Variants in STAB2 observed in about 807,000 individuals in gnomAD.
STAB2 encodes the protein stabilin-2.
STAB2 carries 288 observed loss-of-function variants against 338.1 expected under a neutral mutation model. The observed-to-expected ratio is 0.85, with a 90% CI of 0.77 to 0.94. The LOEUF is 0.94. Ranked by LOEUF, STAB2 falls within the 40% of genes least tolerant of loss-of-function variation. The pLI, the probability that STAB2 is intolerant of heterozygous loss-of-function variation, is 0.00. For synonymous variants in STAB2, 1,202 were observed against 1,193.3 expected (o/e 1.01, Z -0.15); for missense variants, 3,141 against 3,210.1 (o/e 0.98, Z 0.52).
chr12:103,609,610 A>G (rs980200063), intron 3 of STAB2, among the ~76,000 whole-genome samples: 12 of 152,080 alleles, frequency 7.9e-5, no homozygotes, highest in Non-Finnish European at 1.3e-4. Flanking sequence ...GGTTTTCTAG[A>G]TATACAATCA....
Position 103,673,913 on chromosome 12 carries a change from T to C in STAB2, c.2378T>C (p.Leu793Pro). The change falls in exon 23 of 69, where the codon CTG becomes CCG. Residue 793 changes from leucine to proline, a missense_variant. Coordinates refer to ENST00000388887, the MANE Select transcript of STAB2 (RefSeq NM_017564.10). ...CCTCCTCCTCCTCTTTCAGAATGCC[T>C]GTGCGTTCACGGAACATGCAATAAC... is the stretch of plus-strand genomic sequence containing the variant. ...KYGPRCNKKCLCVHGTCNNRI... is the reference protein window; with the variant it reads ...KYGPRCNKKCPCVHGTCNNRI... The C allele has an allele frequency of 3.1e-6, 5 of 1,611,350 alleles. No homozygotes were observed. The highest frequency in any genetic ancestry group is 4.2e-6 in the Non-Finnish European group (5 of 1,177,864).
chr12:103,589,977 G>C (rs1956771142), intron 1 of STAB2, among the ~76,000 whole-genome samples: 1 of 152,204 alleles, frequency 6.6e-6, no homozygotes, highest in Non-Finnish European at 1.5e-5. Flanking sequence ...GCAAGATATA[G>C]AGTTTGACTC....
In STAB2 at chr12:103,645,124, G is replaced by A. The variant is rs2138710276; in HGVS notation, c.1041-3566G>A. 2.0e-5 allele frequency among the ~76,000 whole-genome samples: 3 copies of A among 152,320 alleles called. 1 individual carries two copies. In the South Asian group the frequency reaches 6.2e-4, roughly 32 times the overall value. On this transcript the variant is annotated intron_variant, in intron 9 of 68. Transcript: ENST00000388887. ...AACTAAATCTCAACCAGCATTAAGT[G>A]TAATTAATTTTAACCCATAACTGTA...
At position 103,733,135 on chromosome 12, in the gene STAB2, G is replaced by A. The variant is rs375348716; in HGVS notation, c.5413G>A (p.Asp1805Asn). The A allele has an allele frequency of 5.6e-6, 9 of 1,613,948 alleles. No homozygotes were observed. In the African/African-American group the frequency reaches 6.7e-5, roughly 12 times the overall value. Residue 1805 changes from aspartate (D) to asparagine (N), a missense_variant, in exon 51 of 69, where the codon GAC becomes AAC. Physicochemically the swap from Asp to Asn is conservative, Grantham distance 23. Coordinates refer to ENST00000388887, the MANE Select transcript of STAB2 (RefSeq NM_017564.10). ...CTTCCTGTTCAACCAAGACAACAAG[G>A]ACAAGCTGAAGGAGTATTTGAAGTT... ...QDFLFNQDNK[D>N]KLKEYLKFHV...
At chr12:103,675,881 T>C (rs1469696351) in intron 23 of STAB2, 47 bp from the exon 24 acceptor site, 1 of 1,495,474 alleles carries the variant, frequency 6.7e-7, no homozygotes, top group African/African-American at 1.4e-5. Flanking sequence ...CTCTTCTGGG[T>C]CGTTGGTGCT....
At chr12:103,730,306 A>T (rs967116972) in intron 49 of STAB2, 50 bp downstream of exon 49, 3 of 1,584,562 alleles carry the variant, frequency 1.9e-6, no homozygotes, top group Non-Finnish European at 2.6e-6. Context: ...TCAATACATT[A>T]TCATCTCTAT....
At chr12:103,712,237 C>A in intron 40 of STAB2, 130 bp from the exon 41 acceptor site, 2 of 761,098 alleles carry the variant, frequency 2.6e-6, no homozygotes, top group South Asian at 1.5e-5. Flanking sequence ...TTCTCCCAAG[C>A]CTTAGGCAGG....
At chr12:103,620,577 C>T in intron 4 of STAB2, 24 bp downstream of exon 4, 1 of 1,548,058 alleles carries the variant, frequency 6.5e-7, no homozygotes, top group Non-Finnish European at 8.7e-7. Context: ...TGTGTTCTTC[C>T]TTTCCTGGTT....
At chr12:103,720,559 T>G (rs1485647611) in intron 44 of STAB2, among the ~76,000 whole-genome samples, 1 of 152,222 alleles carries the variant, frequency 6.6e-6, no homozygotes, top group Admixed American at 6.5e-5. Flanking sequence ...ATGATGGTAA[T>G]TCATTCCAAA....
At chr12:103,610,099 T>C (rs1008935218) in intron 3 of STAB2, among the ~76,000 whole-genome samples, 1 of 151,994 alleles carries the variant, frequency 6.6e-6, no homozygotes, top group Non-Finnish European at 1.5e-5. Context: ...CAGTATTTTA[T>C]TGAGGATTTT....
At chr12:103,617,821 A>C (rs1199790710) in intron 3 of STAB2, among the ~76,000 whole-genome samples, 1 of 152,246 alleles carries the variant, frequency 6.6e-6, no homozygotes, top group Non-Finnish European at 1.5e-5. Context: ...TAAATGGTGC[A>C]GTAGATTCTG....
At chr12:103,613,960 G>T (rs1211221001) in intron 3 of STAB2, among the ~76,000 whole-genome samples, 1 of 152,052 alleles carries the variant, frequency 6.6e-6, no homozygotes, top group Non-Finnish European at 1.5e-5. Context: ...TTCATTGGTA[G>T]AAGTTCAATT....
chr12:103,746,262 C>T (rs1883023630), intron 57 of STAB2: 1 of 211,572 alleles, frequency 4.7e-6, no homozygotes. Context: ...CATCGGGAAC[C>T]CCTGTCCTTA....
At chr12:103,740,591 C>T in intron 54 of STAB2, 39 bp from the exon 55 acceptor site, 1 of 1,602,342 alleles carries the variant, frequency 6.2e-7, no homozygotes. Flanking sequence ...CTAGTCCCTG[C>T]AGTGGTAAGT....
At chr12:103,701,288 A>G (rs1358966367) in intron 34 of STAB2, among the ~76,000 whole-genome samples, 1 of 151,834 alleles carries the variant, frequency 6.6e-6, no homozygotes, top group East Asian at 1.9e-4. Flanking sequence ...AGTCTTTGCT[A>G]TTGTGAATAA....
intron 54 of STAB2, 76 bp from the exon 55 acceptor site, chr12:103,740,554 G>T: frequency 3.3e-6 from 5 of 1,537,842 alleles, no homozygotes; most frequent in Non-Finnish European, 4.3e-6. Context: ...AGACCTCCAT[G>T]AGGGCACAGA....
rs761275576 is a variant in STAB2, at chr12:103,726,086, G to A, written c.4804-30G>A. 7 of 1,611,714 alleles carry A rather than the reference G, an allele frequency of 4.3e-6. No homozygotes were observed. In the South Asian group the frequency reaches 6.6e-5, roughly 15 times the overall value. ...TATTGTTCTAATATATATTTCACAG[G>A]CATTAAGTGAAACTACTCTTTGTTT... On this transcript the variant is annotated intron_variant, in intron 45 of 68. Transcript: ENST00000388887.
At chr12:103,588,678 T>C (rs1956750553) in intron 1 of STAB2, among the ~76,000 whole-genome samples, 1 of 152,194 alleles carries the variant, frequency 6.6e-6, no homozygotes, top group Non-Finnish European at 1.5e-5. Flanking sequence ...GGTCAAGATG[T>C]TTCTTAAGAA....
chr12:103,669,827 G>C (rs1323071453), intron 21 of STAB2, among the ~76,000 whole-genome samples, 200 bp downstream of exon 21: 2 of 152,202 alleles, frequency 1.3e-5, no homozygotes, highest in Non-Finnish European at 2.9e-5. Context: ...CGGTAATGTT[G>C]CCTCTAGTCT....
Sources: gnomAD v4.1 joint callset for allele counts (sites outside exome capture counted in the v4.1 genomes callset) on GRCh38, gnomAD v4.1.1 for gene constraint, MANE v1.5 for transcripts, NCBI Gene and HGNC (gene_info 2026-07-23, HGNC 2026-07-21) for gene names.